The following MPRIP variants were observed in gnomAD, a reference collection of about 807,000 sequenced individuals.
MPRIP encodes the protein myosin phosphatase Rho-interacting protein.
A neutral mutation model predicts 234.9 loss-of-function variants in MPRIP; 59 were observed. That is an observed-to-expected ratio of 0.25 (90% confidence interval 0.20 to 0.31). The LOEUF (loss-of-function observed/expected upper bound fraction) is 0.31, where lower values mean the gene tolerates loss of function less well. MPRIP is among the 10% of genes least tolerant of loss of function. MPRIP has a pLI of 1.00. For missense variants in MPRIP, 2,436 were observed against 3,071.0 expected (o/e 0.79, Z 4.89); for synonymous variants, 1,144 against 1,263.9 (o/e 0.91, Z 2.01).
At chr17:17,094,669 A>T (rs1450361132) in intron 3 of MPRIP, among the ~76,000 whole-genome samples, 2 of 149,794 alleles carry the variant, frequency 1.3e-5, no homozygotes, top group Non-Finnish European at 3.0e-5. Flanking sequence ...CAGGTACAGT[A>T]GCACAATGTT....
chr17:17,043,870 C>T lies in MPRIP; in HGVS notation c.123+899C>T, dbSNP rs537670287. On this transcript the variant is annotated intron_variant, in intron 1 of 23. Coordinates refer to ENST00000651222, the MANE Select transcript of MPRIP (RefSeq NM_001364716.4). ...GGTACCCTCCCCACGGCCATCATCT[C>T]CATCCTCTTCAGAGCTTTCTCTCAG... Among the ~76,000 whole-genome samples the T allele has an allele frequency of 9.8e-5, 15 of 152,326 alleles. No individual in the cohort carries two copies. In the East Asian group the frequency reaches 1.5e-3, roughly 16 times the overall value.
At position 17,174,025 on chromosome 17, in the gene MPRIP, G is replaced by A. The variant is rs764230539; in HGVS notation, c.6700G>A (p.Ala2234Thr). ...LAQALEAERQ[A>T]LRQCQRENQE... ...CCAGGCGCTGGAGGCCGAGCGGCAG[G>A]CCCTGCGGCAGTGCCAGCGTGAGAA... The change falls in exon 19 of 24, where the codon GCC becomes ACC. Residue 2234 changes from alanine (A) to threonine (T), a missense_variant. Physicochemically the swap from Ala to Thr is moderately conservative, Grantham distance 58. This residue lies in a region of MPRIP where 1,998 missense variants were observed against 2,520.3 expected (regional missense o/e 0.79). Transcript: ENST00000651222. 6.2e-7 allele frequency: 1 copy of A among 1,613,522 alleles called. No homozygotes were observed.
intron 17 of MPRIP, 38 bp from the exon 18 acceptor site, chr17:17,172,660 G>C (rs567271887): frequency 6.4e-7 from 1 of 1,553,118 alleles, no homozygotes; most frequent in African/African-American, 1.4e-5. Flanking sequence ...CAGGAAGGGC[G>C]TGGTCCCTCG....
At chr17:17,058,911 T>A (rs1597727491) in intron 1 of MPRIP, among the ~76,000 whole-genome samples, 1 of 151,688 alleles carries the variant, frequency 6.6e-6, no homozygotes, top group Non-Finnish European at 1.5e-5. Flanking sequence ...GCAGAAGGGG[T>A]GGGGACGTGC....
rs2046033334 is a variant in MPRIP, at chr17:17,167,673, C to T, written c.6082C>T (p.Leu2028=). ...RTLQEHYSQS[L]RCLQDTLCLH... is the part of the protein sequence containing the mutation. ...CCTGCAGGAGCACTACTCGCAGAGC[C>T]TGAGGTGCCTTCAGGACACCCTCTG... Residue 2028 remains leucine (L), a synonymous_variant, in exon 16 of 24, where the codon CTG becomes TTG. Transcript: ENST00000651222. This position sits in a 1 kb window ranked among gnomAD's most constrained non-coding sequence, Gnocchi z 5.9. 1 of 1,304,242 alleles carries T rather than the reference C, an allele frequency of 7.7e-7. No homozygotes were observed. The highest frequency in any genetic ancestry group is 1.0e-6 in the Non-Finnish European group (1 of 988,950). 80.8% of individuals were successfully genotyped at this position (1,304,242 alleles called of 1,614,324 possible). A position where few individuals can be genotyped will look rare whatever the true frequency, so the allele number is the denominator to read the frequency against.
At chr17:17,100,747 C>T (rs889244042) in intron 3 of MPRIP, among the ~76,000 whole-genome samples, 3 of 152,002 alleles carry the variant, frequency 2.0e-5, no homozygotes, top group African/African-American at 7.3e-5. Context: ...AGGGCTCCCA[C>T]TGATTGATTC....
At chr17:17,144,551 GT>G (rs1334723653) in intron 9 of MPRIP, among the ~76,000 whole-genome samples, 4 of 152,284 alleles carry the variant, frequency 2.6e-5, no homozygotes, top group African/African-American at 7.2e-5. Context: ...GAAATTACGA[GT>G]TTTTGTTAAA....
rs777806514 is a variant in MPRIP, at chr17:17,171,727, G to A, written c.6334G>A (p.Glu2112Lys). The A allele has an allele frequency of 3.7e-6, 6 of 1,612,710 alleles. No individual in the cohort carries two copies. Among genetic ancestry groups the A allele is most frequent in the Non-Finnish European group, 4.2e-6 (5 of 1,179,978 alleles). Residue 2112 changes from glutamate to lysine, a missense_variant, in exon 17 of 24, where the codon GAG becomes AAG. Transcript: ENST00000651222. ...RDLESLKATC[E>K]RGFAAMEETH... ...CTTTTGCATTTTGCAGGCCACGTGC[G>A]AGCGAGGGTTTGCAGCAATGGAAGA... is the stretch of plus-strand genomic sequence containing the variant.
chr17:17,132,956 C>A (rs972669379), intron 5 of MPRIP, among the ~76,000 whole-genome samples: 1 of 152,206 alleles, frequency 6.6e-6, no homozygotes, highest in Non-Finnish European at 1.5e-5. Context: ...TAGGGTTACA[C>A]TGCGTTTCCA....
At position 17,185,630 on chromosome 17, in the gene MPRIP, T is replaced by C. The variant is rs1325575396; in HGVS notation, c.*736T>C. ...TTCCTTTCTTGGTCTCCAGTAACCC[T>C]GGTCTTTTCATAACTGCTCGAGATT... On this transcript the variant is annotated 3_prime_UTR_variant, in exon 24 of 24. Transcript: ENST00000651222. 1 of 452,394 alleles carries C rather than the reference T, an allele frequency of 2.2e-6. No homozygotes were observed. The highest frequency in any genetic ancestry group is 4.4e-6 in the Non-Finnish European group (1 of 225,180). 28.0% of individuals were successfully genotyped at this position (452,394 alleles called of 1,614,324 possible). A position where few individuals can be genotyped will look rare whatever the true frequency, so the allele number is the denominator to read the frequency against.
At chr17:17,133,741 T>C (rs1024873429) in intron 5 of MPRIP, among the ~76,000 whole-genome samples, 1 of 152,186 alleles carries the variant, frequency 6.6e-6, no homozygotes, top group Admixed American at 6.5e-5. Context: ...GCAGACAGCC[T>C]TTCAGCTGAG....
At chr17:17,096,676 C>G (rs1259072349) in intron 3 of MPRIP, 4 of 457,348 alleles carry the variant, frequency 8.7e-6, no homozygotes, top group African/African-American at 8.0e-5. Context: ...CTCCGGCTGC[C>G]TTGAGCAATA....
intron 3 of MPRIP, among the ~76,000 whole-genome samples, chr17:17,093,481 T>A (rs965800799): frequency 2.6e-5 from 4 of 152,182 alleles, no homozygotes; most frequent in Non-Finnish European, 2.9e-5. Context: ...TTGTTGTTAT[T>A]TTTTCCGGGG....
At chr17:17,065,644 T>C (rs1209130903) in intron 1 of MPRIP, among the ~76,000 whole-genome samples, 1 of 152,200 alleles carries the variant, frequency 6.6e-6, no homozygotes, top group African/African-American at 2.4e-5. Context: ...ATTAAAAATA[T>C]TCTAGTTCAT....
At chr17:17,139,640 T>C (rs1374892651) in intron 7 of MPRIP, among the ~76,000 whole-genome samples, 2 of 152,172 alleles carry the variant, frequency 1.3e-5, no homozygotes, top group Admixed American at 1.3e-4. Context: ...GAAGTGTCTT[T>C]ACATCCTGCC....
At chr17:17,064,201 G>GTTTTTTTT (rs752475475) in intron 1 of MPRIP, among the ~76,000 whole-genome samples, 1 of 144,128 alleles carries the variant, frequency 6.9e-6, no homozygotes, top group African/African-American at 2.7e-5. Flanking sequence ...GGTTTTTTTT[G>GTTTTTTTT]TTTTGTTTTT....
intron 3 of MPRIP, among the ~76,000 whole-genome samples, chr17:17,086,709 TC>T (rs2144114260): frequency 6.6e-6 from 1 of 152,070 alleles, no homozygotes; most frequent in Admixed American, 6.5e-5. Context: ...AGGGTAGGGG[TC>T]ATAAGGGAAG....
At chr17:17,106,877 T>C (rs1298884380) in intron 3 of MPRIP, among the ~76,000 whole-genome samples, 1 of 152,192 alleles carries the variant, frequency 6.6e-6, no homozygotes, top group Admixed American at 6.5e-5. Context: ...GAGAAGCAGA[T>C]TGGGAATTCC....
intron 1 of MPRIP, among the ~76,000 whole-genome samples, chr17:17,064,192 G>GTT (rs1264013503): frequency 9.0e-5 from 13 of 144,984 alleles, no homozygotes; most frequent in African/African-American, 3.2e-4. Flanking sequence ...TTGTTTTTCG[G>GTT]TTTTTTTTGT....
Sources: allele counts gnomAD v4.1 joint callset (sites outside exome capture counted in the v4.1 genomes callset), GRCh38; gene constraint gnomAD v4.1.1; regional missense constraint gnomAD v4.1.1; non-coding constraint Gnocchi (gnomAD v3.1); transcripts MANE v1.5; gene names NCBI Gene and HGNC (gene_info 2026-07-23, HGNC 2026-07-21).